UGP2: variants seen among roughly 807,000 people sequenced by gnomAD.
UGP2 encodes the protein UDP-glucose pyrophosphorylase 2, also known as UTP--glucose-1-phosphate uridylyltransferase.
A neutral mutation model predicts 49.0 loss-of-function variants in UGP2; 40 were observed. The observed-to-expected ratio is 0.82, with a 90% CI of 0.63 to 1.06. The LOEUF (loss-of-function observed/expected upper bound fraction) is 1.06. Ranked by LOEUF, UGP2 falls within the 50% of genes least tolerant of loss-of-function variation. The pLI is 0.00. For missense variants in UGP2, 460 were observed against 603.5 expected (o/e 0.76, Z 2.49); for synonymous variants, 225 against 213.0 (o/e 1.06, Z -0.49).
At chr2:63,863,008 C>G in intron 3 of UGP2, 1 of 358,276 alleles carries the variant, frequency 2.8e-6, no homozygotes. Flanking sequence ...TCTAATCATA[C>G]TAAAGTGGAG....
chr2:63,854,394 C>T (rs1415448984), intron 1 of UGP2, among the ~76,000 whole-genome samples: 1 of 152,200 alleles, frequency 6.6e-6, no homozygotes, highest in Non-Finnish European at 1.5e-5. Context: ...TTTTAGTTGA[C>T]CTTCCTTTAG....
At chr2:63,850,913 T>C (rs976382596) in intron 1 of UGP2, among the ~76,000 whole-genome samples, 1 of 152,234 alleles carries the variant, frequency 6.6e-6, no homozygotes, top group African/African-American at 2.4e-5. Flanking sequence ...TAATAAATGT[T>C]ACATGAGTAT....
At chr2:63,861,415 A>G (rs1433486642) in intron 3 of UGP2, among the ~76,000 whole-genome samples, 1 of 152,044 alleles carries the variant, frequency 6.6e-6, no homozygotes, top group Non-Finnish European at 1.5e-5. Flanking sequence ...TGTTGAAGTC[A>G]CATGGCTGGC....
Position 63,842,190 on chromosome 2 carries a change from C to G in UGP2, c.5C>G (p.Ser2Trp). MSRFVQDLSKAM... is the reference protein window; with the variant it reads MWRFVQDLSKAM... ...GTATTTTACTAAGCCCCTAAAATGT[C>G]GAGATTTGTACAAGGTAAGAAATGC... The change falls in exon 1 of 10, where the codon TCG becomes TGG. Residue 2 changes from serine to tryptophan, a missense_variant. Ser to Trp is a radical substitution (Grantham distance 177, BLOSUM62 -3). Coordinates refer to ENST00000337130, the MANE Select transcript of UGP2 (RefSeq NM_006759.4). The G allele has an allele frequency of 6.3e-7, 1 of 1,593,690 alleles. No individual in the cohort carries two copies. Among genetic ancestry groups the G allele is most frequent in the Non-Finnish European group, 8.5e-7 (1 of 1,174,766 alleles).
At chr2:63,890,792 A>C (rs145571729) in intron 9 of UGP2, among the ~76,000 whole-genome samples, 11 of 152,286 alleles carry the variant, frequency 7.2e-5, no homozygotes, top group Non-Finnish European at 1.5e-4. Context: ...AGCACCTTTT[A>C]ATTTCTCTAT....
chr2:63,844,796 A>T (rs1671818669), intron 1 of UGP2, among the ~76,000 whole-genome samples: 2 of 152,150 alleles, frequency 1.3e-5, no homozygotes, highest in Non-Finnish European at 1.5e-5. Context: ...TCCTGGTCTT[A>T]AGCGATCTTC....
chr2:63,868,500 T>C (rs1248079150), intron 3 of UGP2, among the ~76,000 whole-genome samples: 1 of 152,204 alleles, frequency 6.6e-6, no homozygotes, highest in African/African-American at 2.4e-5. Context: ...GGGGATTCTC[T>C]TATAGTTGGG....
chr2:63,876,505 T>C (rs1181860771), intron 3 of UGP2, among the ~76,000 whole-genome samples: 5 of 152,228 alleles, frequency 3.3e-5, no homozygotes, highest in Non-Finnish European at 7.3e-5. Flanking sequence ...CTTTTTTTCC[T>C]TTCCACAGTT....
At chr2:63,875,073 C>T (rs889458492) in intron 3 of UGP2, among the ~76,000 whole-genome samples, 4 of 152,172 alleles carry the variant, frequency 2.6e-5, no homozygotes, top group Non-Finnish European at 5.9e-5. Flanking sequence ...TAGGATCTTT[C>T]AAATGATCCA....
chr2:63,889,855 C>A, intron 8 of UGP2: 2 of 419,780 alleles, frequency 4.8e-6, no homozygotes. Flanking sequence ...ATCTGCTCAA[C>A]TATCTTGTAA....
chr2:63,887,715 G>A, intron 8 of UGP2, 71 bp downstream of exon 8: 1 of 1,565,108 alleles, frequency 6.4e-7, no homozygotes, highest in South Asian at 1.2e-5. Flanking sequence ...ATATACATGT[G>A]AATTGGAGAC....
chr2:63,855,401 TCC>T (rs1436834539), intron 1 of UGP2: 1 of 484,308 alleles, frequency 2.1e-6, no homozygotes, highest in African/African-American at 2.0e-5. Context: ...GGACAAATAA[TCC>T]AGTTGTCCCT....
Position 63,885,833 on chromosome 2 carries a change from A to G in UGP2, c.820A>G (p.Lys274Glu), listed in dbSNP as rs372567223. The change falls in exon 6 of 10, where the codon AAA becomes GAA. Residue 274 changes from lysine (K) to glutamate (E), a missense_variant. By Grantham distance (56) the Lys-to-Glu change is moderately conservative. Around this residue, in one of 2 missense-constraint regions of UGP2, gnomAD observed 317 missense variants for 473.0 expected, o/e 0.67. Coordinates refer to ENST00000337130, the MANE Select transcript of UGP2 (RefSeq NM_006759.4). ...LNHLMNPPNG[K>E]RCEFVMEVTN... ...TCATCTAATGAACCCACCCAATGGA[A>G]AACGCTGTGAATTTGTCATGGAAGT... 5 of 1,602,312 alleles carry G rather than the reference A, an allele frequency of 3.1e-6. No individual in the cohort carries two copies. In the African/African-American group the frequency reaches 6.7e-5, roughly 22 times the overall value.
At chr2:63,885,360 A>G (rs1671603898) in intron 5 of UGP2, among the ~76,000 whole-genome samples, 1 of 152,162 alleles carries the variant, frequency 6.6e-6, no homozygotes, top group Non-Finnish European at 1.5e-5. Flanking sequence ...TCCCATCTGT[A>G]TGACCATAGA....
At chr2:63,856,528 A>C in intron 2 of UGP2, 95 bp downstream of exon 2, 1 of 1,377,086 alleles carries the variant, frequency 7.3e-7, no homozygotes, top group South Asian at 1.4e-5. Context: ...TCATCACCTC[A>C]AATCAGCACA....
Position 63,876,485 on chromosome 2 carries a change from G to A in UGP2, c.256-5981G>A, listed in dbSNP as rs536593061. ...TGAAATATTTCTCCCGTCTTCATACGCTGTTACTTCTTTTTTTCCTTTCCA... is the reference window on the plus strand; with the variant it reads ...TGAAATATTTCTCCCGTCTTCATACACTGTTACTTCTTTTTTTCCTTTCCA... On this transcript the variant is annotated intron_variant, in intron 3 of 9. Coordinates refer to ENST00000337130, the MANE Select transcript of UGP2 (RefSeq NM_006759.4). Among the ~76,000 whole-genome samples, 3 of 152,266 alleles carry A rather than the reference G, an allele frequency of 2.0e-5. No individual in the cohort carries two copies. In the South Asian group the frequency reaches 6.2e-4, roughly 32 times the overall value.
intron 8 of UGP2, 195 bp from the exon 9 acceptor site, chr2:63,889,886 T>C: frequency 2.1e-6 from 1 of 486,814 alleles, no homozygotes; most frequent in Non-Finnish European, 3.6e-6. Context: ...GTAAAAACAA[T>C]GTTTGTAGCT....
rs1672144356 is a variant in UGP2 at position 63,891,354 on chromosome 2, AGTTTT to A, written c.*128_*132del. ...CCTGCAGTGTTGATTTTTAAAATAGAGTTTTCTGCAGTATGCTTTTAGTCTAAGAA... is the reference window on the plus strand; with the variant it reads ...CCTGCAGTGTTGATTTTTAAAATAGACTGCAGTATGCTTTTAGTCTAAGAA... On this transcript the variant is annotated 3_prime_UTR_variant, in exon 10 of 10. Transcript: ENST00000337130. 4.9e-6 allele frequency: 3 copies of A among 614,346 alleles called. No homozygotes were observed. Among genetic ancestry groups the A allele is most frequent in the Admixed American group, 3.8e-5 (1 of 26,640 alleles). 38.1% of individuals were successfully genotyped at this position (614,346 alleles called of 1,614,324 possible).
chr2:63,884,550 C>T (rs1362518723), intron 5 of UGP2, among the ~76,000 whole-genome samples: 1 of 151,992 alleles, frequency 6.6e-6, no homozygotes, highest in Non-Finnish European at 1.5e-5. Context: ...TGATTGAAGG[C>T]CAGGAAACTG....
Sources: gnomAD v4.1 joint callset for allele counts (sites outside exome capture counted in the v4.1 genomes callset) on GRCh38, gnomAD v4.1.1 for gene constraint, gnomAD v4.1.1 regional missense constraint, MANE v1.5 for transcripts, NCBI Gene and HGNC (gene_info 2026-07-23, HGNC 2026-07-21) for gene names.